Variants in PRRC2B observed in about 807,000 individuals in gnomAD.
The protein encoded by PRRC2B is proline rich coiled-coil 2B.
In PRRC2B, 68 loss-of-function variants were observed where a neutral mutation model predicts 242.3. The ratio of observed to expected loss-of-function variants is 0.28; its 90% confidence interval spans 0.23 to 0.34. PRRC2B has a LOEUF of 0.34. PRRC2B is among the 10% of genes least tolerant of loss of function. The pLI, the probability that PRRC2B is intolerant of heterozygous loss-of-function variation, is 1.00. For synonymous variants in PRRC2B, 1,228 were observed against 1,173.6 expected, an observed-to-expected ratio of 1.05 and a Z score of -0.95; for missense variants, 2,835 against 2,954.8, an observed-to-expected ratio of 0.96 and a Z score of 0.94.
chr9:131,432,816 T>C (rs778269217), intron 3 of PRRC2B, 22 bp downstream of exon 3: 1 of 1,611,476 alleles, frequency 6.2e-7, no homozygotes, highest in African/African-American at 1.3e-5. Flanking sequence ...AGGCGGGTGG[T>C]GAGTGGGAGC....
At position 131,447,956 on chromosome 9, in the gene PRRC2B, C is replaced by A. The variant is rs547186734; in HGVS notation, c.1120+152C>A. On this transcript the variant is annotated intron_variant, in intron 9 of 31. Coordinates refer to ENST00000683519, the MANE Select transcript of PRRC2B (RefSeq NM_013318.4). The stretch of plus-strand genomic sequence containing the variant: ...GGGAAGCAGACCTGATGCCCTCCTT[C>A]CTCATTTACTCCCTGACTAGAGGTT... 13 of 660,322 alleles carry A rather than the reference C, an allele frequency of 2.0e-5. No homozygotes were observed. The African/African-American group carries it at 2.2e-4, about 11-fold the overall frequency. 40.9% of individuals were successfully genotyped at this position (660,322 alleles called of 1,614,324 possible).
At chr9:131,479,722 C>T (rs1943804009) in intron 19 of PRRC2B, among the ~76,000 whole-genome samples, 2 of 152,164 alleles carry the variant, frequency 1.3e-5, no homozygotes, top group Non-Finnish European at 2.9e-5. Flanking sequence ...GTCGTTTTCT[C>T]CCACTAACTT....
chr9:131,414,352 C>T (rs548924208), intron 1 of PRRC2B, among the ~76,000 whole-genome samples: 2 of 144,094 alleles, frequency 1.4e-5, no homozygotes, highest in African/African-American at 5.1e-5. Context: ...AAAAATCGGA[C>T]ACAGAAAGCA....
At chr9:131,481,160 A>T (rs369834998) in intron 19 of PRRC2B, among the ~76,000 whole-genome samples, 36 of 151,842 alleles carry the variant, frequency 2.4e-4, no homozygotes, top group African/African-American at 8.0e-4. Context: ...ACAACAAAAA[A>T]TTAGCCGGGC....
At chr9:131,471,549 C>T (rs1257554090) in intron 14 of PRRC2B, among the ~76,000 whole-genome samples, 2 of 152,204 alleles carry the variant, frequency 1.3e-5, no homozygotes, top group African/African-American at 4.8e-5. Flanking sequence ...CAAACTTCTA[C>T]TAATGACCAG....
chr9:131,402,994 A>G (rs970610503), intron 1 of PRRC2B, among the ~76,000 whole-genome samples: 2 of 152,218 alleles, frequency 1.3e-5, no homozygotes, highest in Non-Finnish European at 2.9e-5. Context: ...GTATAGAACC[A>G]TGGGATGGAT....
chr9:131,409,807 A>G (rs1049762537), intron 1 of PRRC2B, among the ~76,000 whole-genome samples: 2 of 152,140 alleles, frequency 1.3e-5, no homozygotes, highest in Non-Finnish European at 2.9e-5. Flanking sequence ...GCCCTCAGAA[A>G]CTGCTTTGTT....
Position 131,467,615 on chromosome 9 carries a change from A to T in PRRC2B, c.1773A>T (p.Ala591=), listed in dbSNP as rs200396561. 9.8e-5 allele frequency: 158 copies of T among 1,613,424 alleles called. No homozygotes were observed. The highest frequency in any genetic ancestry group is 1.3e-4 in the Non-Finnish European group (149 of 1,179,734). Residue 591 remains alanine, a synonymous_variant, in exon 13 of 32, where the codon GCA becomes GCT. Transcript: ENST00000683519. ...QETPTTFPEE[A]PTVSPAVAQS... is the part of the protein sequence containing the mutation. ...CCCCCACCACATTCCCAGAAGAGGC[A>T]CCCACAGTGTCCCCAGCAGTGGCAC...
At chr9:131,478,358 G>A (rs541430246) in intron 17 of PRRC2B, 116 bp from the exon 18 acceptor site, 34 of 1,016,618 alleles carry the variant, frequency 3.3e-5, no homozygotes, top group Admixed American at 1.2e-4. Context: ...AAGTGCGGAA[G>A]TCCTGTCCAG....
chr9:131,382,497 G>A (rs1048584054), intron 1 of PRRC2B, among the ~76,000 whole-genome samples: 3 of 152,056 alleles, frequency 2.0e-5, no homozygotes, highest in African/African-American at 4.8e-5. Flanking sequence ...TGAGCCCCTC[G>A]GAGACTTGCT....
At position 131,455,191 on chromosome 9, in the gene PRRC2B, A is replaced by G. The variant is rs770800638; in HGVS notation, c.1211+25A>G. The G allele has an allele frequency of 2.5e-5, 38 of 1,503,636 alleles. No individual in the cohort carries two copies. In the East Asian group the frequency reaches 5.4e-4, roughly 21 times the overall value. 93.1% of individuals were successfully genotyped at this position (1,503,636 alleles called of 1,614,324 possible). ...GGTAAGGACCCGTTCCTGCCCTATCAGCATGAGTGCATCCCTGCTTAGTGT... is the reference window on the plus strand; with the variant it reads ...GGTAAGGACCCGTTCCTGCCCTATCGGCATGAGTGCATCCCTGCTTAGTGT... On this transcript the variant is annotated intron_variant, in intron 10 of 31. Coordinates refer to ENST00000683519, the MANE Select transcript of PRRC2B (RefSeq NM_013318.4).
chr9:131,448,543 C>CAAAAAAAAAAAAAAAAAAA (rs754661321), intron 9 of PRRC2B, among the ~76,000 whole-genome samples: 471 of 39,886 alleles, frequency 0.012, 157 homozygotes, highest in East Asian at 0.021. Context: ...GACACTGTCT[C>CAAAAAAAAAAAAAAAAAAA]AAAAAAAAAA....
At chr9:131,450,490 C>T (rs527596194) in intron 9 of PRRC2B, among the ~76,000 whole-genome samples, 1 of 152,164 alleles carries the variant, frequency 6.6e-6, no homozygotes, top group East Asian at 1.9e-4. Context: ...TGGTCTCGAA[C>T]TCCTGACCTT....
chr9:131,416,202 A>G (rs1392700488), intron 1 of PRRC2B, among the ~76,000 whole-genome samples: 1 of 151,414 alleles, frequency 6.6e-6, no homozygotes, highest in African/African-American at 2.4e-5. Flanking sequence ...TCTGCCTCCC[A>G]GGTTCAAGTG....
At chr9:131,493,172 G>C (rs1434553483) in intron 30 of PRRC2B, among the ~76,000 whole-genome samples, 1 of 151,928 alleles carries the variant, frequency 6.6e-6, no homozygotes, top group Non-Finnish European at 1.5e-5. Context: ...CCCTTTGCCT[G>C]TCCTCCATCA....
rs1943646998 is a variant in PRRC2B at position 131,474,965 on chromosome 9, G to A, written c.2836G>A (p.Val946Ile). Reference sequence around the variant, plus strand: ...GAGGTCGGGACCCATCAAGAAACCAGTCCTGAAAGCCCTCAAGGTGGAAGA... The same window carrying A: ...GAGGTCGGGACCCATCAAGAAACCAATCCTGAAAGCCCTCAAGGTGGAAGA... ...TRRSGPIKKP[V>I]LKALKVEDKE... Residue 946 changes from valine to isoleucine, a missense_variant, in exon 16 of 32, where the codon GTC becomes ATC. Physicochemically the swap from Val to Ile is conservative, Grantham distance 29. Coordinates refer to ENST00000683519, the MANE Select transcript of PRRC2B (RefSeq NM_013318.4). 2 of 1,597,602 alleles carry A rather than the reference G, an allele frequency of 1.3e-6. No homozygotes were observed. The highest frequency in any genetic ancestry group is 1.3e-5 in the African/African-American group (1 of 74,570).
In PRRC2B at chr9:131,464,939, C is replaced by G. The variant is rs1425865666; in HGVS notation, c.1581C>G (p.Ala527=). ...AREERLAACA[A]KLKQLDQKCK... ...AGGAGAGGCTGGCCGCCTGTGCTGCCAAACTCAAGCAGCTGGACCAGAAGT... is the reference window on the plus strand; with the variant it reads ...AGGAGAGGCTGGCCGCCTGTGCTGCGAAACTCAAGCAGCTGGACCAGAAGT... The change falls in exon 12 of 32, where the codon GCC becomes GCG. Residue 527 remains alanine (A), a synonymous_variant. Coordinates refer to ENST00000683519, the MANE Select transcript of PRRC2B (RefSeq NM_013318.4). The G allele has an allele frequency of 1.9e-6, 3 of 1,613,918 alleles. No individual in the cohort carries two copies. In the Admixed American group the frequency reaches 5.0e-5, roughly 27 times the overall value.
At chr9:131,472,471 ATTTTTTTTTTT>A (rs749051569) in intron 14 of PRRC2B, among the ~76,000 whole-genome samples, 1 of 91,522 alleles carries the variant, frequency 1.1e-5, no homozygotes, top group Non-Finnish European at 2.1e-5. Flanking sequence ...CGCCCAGCTA[ATTTTTTTTTTT>A]TTTTTTTTTT....
chr9:131,435,397 A>G (rs569400331), intron 3 of PRRC2B, among the ~76,000 whole-genome samples: 3 of 152,088 alleles, frequency 2.0e-5, no homozygotes, highest in South Asian at 2.1e-4. Context: ...AGCAGATCAC[A>G]TGAGGTCAGG....
Sources: allele counts gnomAD v4.1 joint callset (sites outside exome capture counted in the v4.1 genomes callset), GRCh38; gene constraint gnomAD v4.1.1; transcripts MANE v1.5; gene names NCBI Gene and HGNC (gene_info 2026-07-23, HGNC 2026-07-21).